The following FRK variants were observed in gnomAD, a reference collection of about 807,000 sequenced individuals.
FRK encodes the protein tyrosine-protein kinase FRK.
In FRK, 51 loss-of-function variants were observed where a neutral mutation model predicts 56.4. The ratio of observed to expected loss-of-function variants is 0.90; its 90% CI spans 0.72 to 1.14. The LOEUF is 1.14. FRK is among the 50% of genes most tolerant of loss of function. FRK has a pLI of 0.00. For synonymous variants in FRK, 245 were observed against 217.9 expected (o/e 1.12, Z -1.10); for missense variants, 570 against 601.4 (o/e 0.95, Z 0.55).
chr6:116,022,343 CA>C, intron 1 of FRK, among the ~76,000 whole-genome samples: 1 of 151,964 alleles, frequency 6.6e-6, no homozygotes, highest in Admixed American at 6.6e-5. Context: ...ACCCTGATAC[CA>C]AAATCATAGA....
At chr6:116,092,142 A>T in the FRK span, among the ~76,000 whole-genome samples, 2 of 152,074 alleles carry the variant, frequency 1.3e-5, no homozygotes, top group African/African-American at 4.8e-5. Flanking sequence ...TTCTTTAGGC[A>T]CCTGGGCTTA....
At chr6:115,958,726 A>AGAAGAAAGAAAGAAAGAAG in intron 4 of FRK, among the ~76,000 whole-genome samples, 1 of 25,910 alleles carries the variant, frequency 3.9e-5, no homozygotes, top group African/African-American at 1.4e-4. Flanking sequence ...AAAGAAAGAA[A>AGAAGAAAGAAAGAAAGAAG]GAAAGAAAGA....
At chr6:115,966,607 C>A (rs1773587032) in intron 4 of FRK, among the ~76,000 whole-genome samples, 1 of 152,116 alleles carries the variant, frequency 6.6e-6, no homozygotes, top group South Asian at 2.1e-4. Flanking sequence ...GAATTCTGGG[C>A]TAGGTAAATA....
chr6:116,049,961 T>G (rs1777125779), intron 1 of FRK, among the ~76,000 whole-genome samples: 1 of 152,208 alleles, frequency 6.6e-6, no homozygotes, highest in Non-Finnish European at 1.5e-5. Context: ...CTCTTCTATC[T>G]CTGCACTCAT....
intron 1 of FRK, among the ~76,000 whole-genome samples, chr6:116,030,428 C>T (rs1776261745): frequency 6.6e-6 from 1 of 152,126 alleles, no homozygotes; most frequent in Non-Finnish European, 1.5e-5. Context: ...GTTTTAGGAG[C>T]TCTCTGGCAC....
At chr6:115,985,233 T>C (rs534000955) in intron 2 of FRK, among the ~76,000 whole-genome samples, 60 of 152,232 alleles carry the variant, frequency 3.9e-4, no homozygotes, top group African/African-American at 1.4e-3. Context: ...TAGTAACTAC[T>C]ATTACTTGTT....
At chr6:116,071,237 A>G in the FRK span, among the ~76,000 whole-genome samples, 1 of 152,166 alleles carries the variant, frequency 6.6e-6, no homozygotes, top group Non-Finnish European at 1.5e-5. Context: ...TATGTACATA[A>G]TGATATGTAT....
intron 1 of FRK, among the ~76,000 whole-genome samples, chr6:116,036,511 G>T (rs1776485648): frequency 6.6e-6 from 1 of 152,052 alleles, no homozygotes; most frequent in Non-Finnish European, 1.5e-5. Flanking sequence ...AATACCCTCT[G>T]TACAAAATTG....
rs1771968795 is a variant in FRK, at chr6:115,932,179, T to C, written c.*10235A>G. 1 of 152,192 alleles carries C rather than the reference T, an allele frequency of 6.6e-6. No homozygotes were observed. The highest frequency in any genetic ancestry group is 1.5e-5 in the Non-Finnish European group (1 of 68,026). The allele number at this position is 152,192 out of a possible 1,614,324, so 9.4% of individuals were successfully genotyped here. ...TTGAAATTCAGGGTTTATATACTAC[T>C]TTGTTCTCCAGTATATTTCTAAATT... On this transcript the variant is annotated 3_prime_UTR_variant, in exon 8 of 8. Transcript: ENST00000606080.
At chr6:115,943,220 GC>G in intron 6 of FRK, 35 bp from the exon 7 acceptor site, 2 of 1,499,138 alleles carry the variant, frequency 1.3e-6, no homozygotes, top group South Asian at 1.3e-5. Context: ...CCGAGTTAAA[GC>G]AATTTTTTTT....
chr6:115,974,784 G>A (rs1317474609), intron 2 of FRK, among the ~76,000 whole-genome samples: 1 of 152,058 alleles, frequency 6.6e-6, no homozygotes, highest in South Asian at 2.1e-4. Context: ...TGCTTTTCCT[G>A]TGAATCTTCT....
chr6:116,050,273 C>T (rs1164212192), intron 1 of FRK, among the ~76,000 whole-genome samples: 1 of 152,124 alleles, frequency 6.6e-6, no homozygotes, highest in Non-Finnish European at 1.5e-5. Flanking sequence ...TCTCAACACC[C>T]ACAAAAACAT....
At chr6:115,979,414 T>TA (rs1363214621) in intron 2 of FRK, among the ~76,000 whole-genome samples, 2 of 152,266 alleles carry the variant, frequency 1.3e-5, no homozygotes, top group African/African-American at 4.8e-5. Flanking sequence ...TGTAGAGCTG[T>TA]AAAATGTGTT....
chr6:116,055,610 A>T (rs1044312403), intron 1 of FRK, among the ~76,000 whole-genome samples: 1 of 152,222 alleles, frequency 6.6e-6, no homozygotes, highest in Non-Finnish European at 1.5e-5. Context: ...AATAAACTTT[A>T]TGGCCTTTAT....
rs1372730141 is a variant in FRK at position 115,934,102 on chromosome 6, G to A, written c.*8312C>T. 1 of 152,074 alleles carries A rather than the reference G, an allele frequency of 6.6e-6. No individual in the cohort carries two copies. Among genetic ancestry groups the A allele is most frequent in the African/African-American group, 2.4e-5 (1 of 41,386 alleles). 9.4% of individuals were successfully genotyped at this position (152,074 alleles called of 1,614,324 possible). ...AGAGAGAGAGAAAGGAGGGAGATGA[G>A]GTGATGATGATGATAGATGGGTGGA... On this transcript the variant is annotated 3_prime_UTR_variant, in exon 8 of 8. Coordinates refer to ENST00000606080, the MANE Select transcript of FRK (RefSeq NM_002031.3).
In FRK at chr6:116,020,415, C is replaced by A. The variant is rs190661276; in HGVS notation, c.345-16417G>T. Among the ~76,000 whole-genome samples, 348 of 152,138 alleles carry A rather than the reference C, an allele frequency of 2.3e-3. 3 individuals carry two copies. Among genetic ancestry groups the A allele is most frequent in the Admixed American group, 0.021 (322 of 15,278 alleles). ...CAAGTGATTCTCCTGCCTCAGCCTCCCGAGTAGCTAGGATTACAGGCACAC... is the reference window on the plus strand; with the variant it reads ...CAAGTGATTCTCCTGCCTCAGCCTCACGAGTAGCTAGGATTACAGGCACAC... On this transcript the variant is annotated intron_variant, in intron 1 of 7. Coordinates refer to ENST00000606080, the MANE Select transcript of FRK (RefSeq NM_002031.3).
At position 115,937,624 on chromosome 6, in the gene FRK, G is replaced by A. The variant is rs767456425; in HGVS notation, c.*4790C>T. ...CACAGGCTCAAGATAAAGGGATGGA[G>A]GAATATTTACGAAGCAAACGGAAAG... On this transcript the variant is annotated 3_prime_UTR_variant, in exon 8 of 8. Coordinates refer to ENST00000606080, the MANE Select transcript of FRK (RefSeq NM_002031.3). 1 of 152,106 alleles carries A rather than the reference G, an allele frequency of 6.6e-6. No individual in the cohort carries two copies. Among genetic ancestry groups the A allele is most frequent in the African/African-American group, 2.4e-5 (1 of 41,398 alleles). The allele number at this position is 152,106 out of a possible 1,614,324, so 9.4% of individuals were successfully genotyped here. A position where few individuals can be genotyped will look rare whatever the true frequency, so the allele number is the denominator to read the frequency against.
At chr6:116,017,128 GT>G (rs1398174774) in intron 1 of FRK, among the ~76,000 whole-genome samples, 1 of 152,098 alleles carries the variant, frequency 6.6e-6, no homozygotes, top group Non-Finnish European at 1.5e-5. Flanking sequence ...CAGAACTGTT[GT>G]GGAAAAAGGC....
the FRK span, among the ~76,000 whole-genome samples, chr6:116,075,974 T>G: frequency 1.3e-5 from 2 of 152,302 alleles, no homozygotes; most frequent in East Asian, 3.9e-4. Flanking sequence ...TAACATTGAT[T>G]CCTTGCATAC....
Sources: gnomAD v4.1 joint callset for allele counts (sites outside exome capture counted in the v4.1 genomes callset) on GRCh38, gnomAD v4.1.1 for gene constraint, MANE v1.5 for transcripts, NCBI Gene and HGNC (gene_info 2026-07-23, HGNC 2026-07-21) for gene names.